Variants in GYS2 observed in about 807,000 individuals in gnomAD.
GYS2 encodes the protein glycogen [starch] synthase, liver.
A neutral mutation model predicts 85.6 loss-of-function variants in GYS2; 80 were observed. That is an observed-to-expected ratio of 0.93 (90% CI 0.78 to 1.13). GYS2 has a LOEUF of 1.13. Among genes scored for constraint, GYS2 ranks in the 50% most tolerant of loss-of-function variants. GYS2 has a pLI of 0.00. For synonymous variants in GYS2, 328 were observed against 300.7 expected, an observed-to-expected ratio of 1.09 and a Z score of -0.94; for missense variants, 881 against 854.9, an observed-to-expected ratio of 1.03 and a Z score of -0.38.
intron 1 of GYS2, among the ~76,000 whole-genome samples, chr12:21,595,634 A>G (rs1944686975): frequency 9.8e-3 from 1 of 102 alleles, no homozygotes; most frequent in African/African-American, 0.025. Flanking sequence ...ATTTCATGCA[A>G]ATGGCCACCA....
chr12:21,545,195 C>G (rs897393746), intron 12 of GYS2, among the ~76,000 whole-genome samples: 4 of 152,160 alleles, frequency 2.6e-5, no homozygotes, highest in Admixed American at 6.5e-5. Context: ...ATAATCCCAC[C>G]ACTTTGGGGA....
intron 3 of GYS2, among the ~76,000 whole-genome samples, chr12:21,574,832 A>T (rs1944427170): frequency 6.6e-6 from 1 of 152,042 alleles, no homozygotes; most frequent in African/African-American, 2.4e-5. Context: ...AGACTTGAAA[A>T]TGCCTTGTAT....
At chr12:21,567,994 C>A (rs1944342119) in intron 5 of GYS2, among the ~76,000 whole-genome samples, 1 of 151,902 alleles carries the variant, frequency 6.6e-6, no homozygotes, top group Non-Finnish European at 1.5e-5. Flanking sequence ...ATTGCTTGAA[C>A]CCGGGAGGCA....
chr12:21,567,440 C>T (rs1281414941), intron 5 of GYS2, among the ~76,000 whole-genome samples: 3 of 151,312 alleles, frequency 2.0e-5, no homozygotes, highest in Admixed American at 6.6e-5. Context: ...AGAATCCAAG[C>T]GAATTCAAGA....
At chr12:21,594,227 A>G (rs1276702314) in intron 1 of GYS2, among the ~76,000 whole-genome samples, 1 of 152,136 alleles carries the variant, frequency 6.6e-6, no homozygotes, top group African/African-American at 2.4e-5. Context: ...CCTATTCAAT[A>G]TAATACTGGA....
intron 1 of GYS2, among the ~76,000 whole-genome samples, chr12:21,602,206 C>T (rs1186368209): frequency 6.6e-6 from 1 of 152,022 alleles, no homozygotes; most frequent in East Asian, 1.9e-4. Context: ...GTACTGTGTT[C>T]TTTCATCTAT....
chr12:21,599,597 G>A (rs1944732899), intron 1 of GYS2, among the ~76,000 whole-genome samples: 1 of 152,182 alleles, frequency 6.6e-6, no homozygotes, highest in African/African-American at 2.4e-5. Flanking sequence ...TTTTTACATA[G>A]ATCGTGTGTT....
chr12:21,561,747 T>C (rs966460206), intron 7 of GYS2, among the ~76,000 whole-genome samples: 2 of 152,186 alleles, frequency 1.3e-5, no homozygotes, highest in African/African-American at 4.8e-5. Flanking sequence ...TTAAGTAAGG[T>C]TATTTAAGAA....
intron 1 of GYS2, among the ~76,000 whole-genome samples, chr12:21,593,718 C>A (rs1028006936): frequency 6.6e-6 from 1 of 151,940 alleles, no homozygotes; most frequent in African/African-American, 2.4e-5. Context: ...TCCTTAAATT[C>A]TTTTAAAAAT....
At chr12:21,602,075 C>T (rs1257596871) in intron 1 of GYS2, among the ~76,000 whole-genome samples, 1 of 151,880 alleles carries the variant, frequency 6.6e-6, no homozygotes, top group Non-Finnish European at 1.5e-5. Context: ...TCCTTGTTTG[C>T]CAGAAAACAT....
chr12:21,533,584 G>A (rs560177838), downstream of GYS2, among the ~76,000 whole-genome samples: 8 of 152,218 alleles, frequency 5.3e-5, no homozygotes, highest in African/African-American at 1.9e-4. Context: ...AGAAATTTGG[G>A]TTCATTCAGT....
chr12:21,597,198 T>C (rs1024550323), intron 1 of GYS2, among the ~76,000 whole-genome samples: 1 of 151,926 alleles, frequency 6.6e-6, no homozygotes, highest in African/African-American at 2.4e-5. Flanking sequence ...AAAGCAAAAA[T>C]AGACAAATGG....
intron 12 of GYS2, among the ~76,000 whole-genome samples, chr12:21,544,621 G>A (rs1221466008): frequency 1.3e-5 from 2 of 152,184 alleles, no homozygotes; most frequent in Admixed American, 1.3e-4. Flanking sequence ...TGTGCTTTAT[G>A]TATCTCAAAA....
chr12:21,541,754 T>C (rs1943978657), intron 13 of GYS2, among the ~76,000 whole-genome samples: 2 of 152,152 alleles, frequency 1.3e-5, no homozygotes, highest in African/African-American at 4.8e-5. Flanking sequence ...ATTTGTTAGA[T>C]GGGTACATTT....
chr12:21,537,427 A>G, intron 15 of GYS2: 1 of 505,626 alleles, frequency 2.0e-6, no homozygotes, highest in Non-Finnish European at 3.5e-6. Context: ...CTTATCTTTT[A>G]ACAACACTCT....
At chr12:21,559,399 G>T (rs574943253) in intron 9 of GYS2, among the ~76,000 whole-genome samples, 10 of 152,182 alleles carry the variant, frequency 6.6e-5, no homozygotes, top group African/African-American at 2.4e-4. Flanking sequence ...GCTTCAGACT[G>T]ACATATCAAC....
chr12:21,573,599 A>G (rs1164902131), intron 4 of GYS2, among the ~76,000 whole-genome samples: 1 of 152,222 alleles, frequency 6.6e-6, no homozygotes, highest in Non-Finnish European at 1.5e-5. Context: ...CCTGTTTGCA[A>G]TAACTTCTGT....
chr12:21,549,937 T>C (rs776104352), intron 11 of GYS2, among the ~76,000 whole-genome samples: 5 of 152,204 alleles, frequency 3.3e-5, no homozygotes, highest in Non-Finnish European at 7.3e-5. Context: ...CTCTCATTCC[T>C]AATTAAACTT....
At chr12:21,550,908 C>T (rs1395881446) in intron 11 of GYS2, among the ~76,000 whole-genome samples, 17 of 152,136 alleles carry the variant, frequency 1.1e-4, no homozygotes, top group Admixed American at 1.1e-3. Flanking sequence ...TGCCACTGCA[C>T]TCCAGCCTGG....
Sources: allele counts gnomAD v4.1 joint callset (sites outside exome capture counted in the v4.1 genomes callset), GRCh38; gene constraint gnomAD v4.1.1; transcripts MANE v1.5; gene names NCBI Gene and HGNC (gene_info 2026-07-23, HGNC 2026-07-21).